RSF1: variants seen among roughly 807,000 people sequenced by gnomAD.
RSF1 encodes the protein HBV pX-associated protein 8.
Under a neutral mutation model 145.2 loss-of-function variants are expected in RSF1, and 13 were observed. The ratio of observed to expected loss-of-function variants is 0.09; its 90% confidence interval spans 0.06 to 0.14. The LOEUF (loss-of-function observed/expected upper bound fraction) is 0.14, where lower values mean the gene tolerates loss of function less well. Ranked by LOEUF, RSF1 falls within the 10% of genes least tolerant of loss-of-function variation. The pLI, the probability that RSF1 is intolerant of heterozygous loss-of-function variation, is 1.00. For synonymous variants in RSF1, 577 were observed against 592.6 expected, an observed-to-expected ratio of 0.97 and a Z score of 0.38; for missense variants, 1,517 against 1,718.2, an observed-to-expected ratio of 0.88 and a Z score of 2.07.
At chr11:77,690,864 TACAA>T (rs1189026346) in intron 9 of RSF1, 5 of 377,580 alleles carry the variant, frequency 1.3e-5, no homozygotes, top group Non-Finnish European at 2.4e-5. Context: ...ACAGACAATA[TACAA>T]ACAAATGAGC....
intron 5 of RSF1, among the ~76,000 whole-genome samples, chr11:77,712,989 C>A (rs766655790): frequency 6.6e-5 from 10 of 152,102 alleles, no homozygotes; most frequent in Non-Finnish European, 1.2e-4. Flanking sequence ...CCTGCCTGTT[C>A]TTGAGATCAA....
At chr11:77,741,415 C>A (rs972234508) in intron 3 of RSF1, among the ~76,000 whole-genome samples, 2 of 152,030 alleles carry the variant, frequency 1.3e-5, no homozygotes, top group Non-Finnish European at 2.9e-5. Flanking sequence ...TGGTGGTGCA[C>A]GCCTACAGTC....
At position 77,714,337 on chromosome 11, in the gene RSF1, G is replaced by T. The variant is rs989235991; in HGVS notation, c.733+11208C>A. On this transcript the variant is annotated intron_variant, in intron 5 of 15. Coordinates refer to ENST00000308488, the MANE Select transcript of RSF1 (RefSeq NM_016578.4). ...TTACCATCAATATGTTCCTTTTATGGGGGAATTGGTAGAGACTCAAAATCC... is the reference window on the plus strand; with the variant it reads ...TTACCATCAATATGTTCCTTTTATGTGGGAATTGGTAGAGACTCAAAATCC... Among the ~76,000 whole-genome samples the T allele has an allele frequency of 3.9e-5, 6 of 152,096 alleles. No homozygotes were observed. In the East Asian group the frequency reaches 1.2e-3, roughly 29 times the overall value.
chr11:77,832,947 A>G, the RSF1 span, among the ~76,000 whole-genome samples: 1 of 83,698 alleles, frequency 1.2e-5, no homozygotes. Flanking sequence ...TATTGTATAT[A>G]TATATGTGTG....
intron 1 of RSF1, among the ~76,000 whole-genome samples, chr11:77,789,720 C>T (rs994616260): frequency 6.6e-6 from 1 of 152,196 alleles, no homozygotes; most frequent in African/African-American, 2.4e-5. Flanking sequence ...ATGCCCCGCA[C>T]CTGCCCACTA....
At chr11:77,747,916 A>G (rs1180478548) in intron 2 of RSF1, among the ~76,000 whole-genome samples, 4 of 152,206 alleles carry the variant, frequency 2.6e-5, no homozygotes, top group Non-Finnish European at 4.4e-5. Context: ...AGTAGGCAAA[A>G]AATGATACAA....
At chr11:77,815,084 G>A (rs1948769422) in intron 1 of RSF1, among the ~76,000 whole-genome samples, 1 of 152,238 alleles carries the variant, frequency 6.6e-6, no homozygotes, top group Non-Finnish European at 1.5e-5. Flanking sequence ...GGAAGTAAAG[G>A]GGAAGTGGAA....
intron 2 of RSF1, chr11:77,762,329 C>T (rs1450713159): frequency 6.6e-6 from 1 of 152,008 alleles, no homozygotes; most frequent in African/African-American, 2.4e-5. Flanking sequence ...TTCCTAGACA[C>T]CTCTCTCTCT....
chr11:77,712,157 T>C (rs1043682123), intron 5 of RSF1, among the ~76,000 whole-genome samples: 1 of 152,224 alleles, frequency 6.6e-6, no homozygotes, highest in African/African-American at 2.4e-5. Flanking sequence ...ATAATCCCTA[T>C]GTGTCTAGGG....
At chr11:77,786,101 GA>G (rs1176175234) in intron 1 of RSF1, among the ~76,000 whole-genome samples, 1 of 152,028 alleles carries the variant, frequency 6.6e-6, no homozygotes, top group Admixed American at 6.6e-5. Context: ...TCTCCATTAT[GA>G]AGAAACTCTG....
intron 1 of RSF1, among the ~76,000 whole-genome samples, chr11:77,797,455 C>T (rs1035871555): frequency 1.3e-5 from 2 of 152,128 alleles, no homozygotes; most frequent in African/African-American, 4.8e-5. Flanking sequence ...AACTGGCTAG[C>T]CATATGCAGA....
At chr11:77,715,489 C>T (rs1338995001) in intron 5 of RSF1, among the ~76,000 whole-genome samples, 1 of 151,852 alleles carries the variant, frequency 6.6e-6, no homozygotes, top group Admixed American at 6.6e-5. Flanking sequence ...ACTCTGTCGC[C>T]CAGGCTGGAG....
At chr11:77,728,152 C>T (rs2135890695) in intron 4 of RSF1, among the ~76,000 whole-genome samples, 1 of 152,300 alleles carries the variant, frequency 6.6e-6, no homozygotes, top group South Asian at 2.1e-4. Context: ...ATATATCCCT[C>T]CAAAATACCA....
At position 77,701,117 on chromosome 11, in the gene RSF1, G is replaced by C; in HGVS notation, c.2112C>G (p.Ser704Arg). The change falls in exon 6 of 16, where the codon AGC (serine) becomes AGG (arginine). Residue 704 changes from serine (S) to arginine (R), a missense_variant. By Grantham distance (110) the Ser-to-Arg change is moderately radical. Transcript: ENST00000308488. ...CAGGAACCAACTTATATTTGAATTT[G>C]CTTTTTTGCATAGAACCCTTTGTCT... Reference protein sequence around the residue: ...PSETKGSMQKSKFKYKLVPEE... With the variant: ...PSETKGSMQKRKFKYKLVPEE... 6.2e-7 allele frequency: 1 copy of C among 1,613,444 alleles called. No homozygotes were observed. Among genetic ancestry groups the C allele is most frequent in the South Asian group, 1.1e-5 (1 of 90,964 alleles).
In RSF1 at chr11:77,747,093, C is replaced by T. The variant is rs775114043; in HGVS notation, c.315G>A (p.Glu105=). The change falls in exon 3 of 16, where the codon GAG becomes GAA. Residue 105 remains glutamate (E), a synonymous_variant. Coordinates refer to ENST00000308488, the MANE Select transcript of RSF1 (RefSeq NM_016578.4). The part of the protein sequence containing the change: ...CQEFNSTWAW[E]MEKKGYLEMS... Reference sequence around the variant, plus strand: ...TTTCAAGATAGCCCTTCTTCTCCATCTCCCATGCCCAGGTACTGTTAAACT... The same window carrying T: ...TTTCAAGATAGCCCTTCTTCTCCATTTCCCATGCCCAGGTACTGTTAAACT... 6 of 1,611,768 alleles carry T rather than the reference C, an allele frequency of 3.7e-6. No individual in the cohort carries two copies. The African/African-American group carries it at 6.7e-5, about 18-fold the overall frequency.
chr11:77,752,382 G>A (rs1451895388), intron 2 of RSF1, among the ~76,000 whole-genome samples: 2 of 152,136 alleles, frequency 1.3e-5, no homozygotes, highest in Non-Finnish European at 2.9e-5. Flanking sequence ...AAATCCGCCT[G>A]CATAATAAAA....
intron 4 of RSF1, among the ~76,000 whole-genome samples, chr11:77,740,138 G>A (rs755789608): frequency 6.6e-6 from 1 of 152,258 alleles, no homozygotes; most frequent in Non-Finnish European, 1.5e-5. Flanking sequence ...CACTTTGGGA[G>A]GCCGAGGCGG....
the RSF1 span, among the ~76,000 whole-genome samples, chr11:77,850,451 C>T: frequency 3.3e-5 from 5 of 152,186 alleles, no homozygotes; most frequent in African/African-American, 1.2e-4. Context: ...AAGGCAATAA[C>T]TATCTTATTA....
intron 5 of RSF1, among the ~76,000 whole-genome samples, chr11:77,704,450 T>A (rs927001883): frequency 2.6e-5 from 4 of 152,232 alleles, no homozygotes; most frequent in South Asian, 4.1e-4. Flanking sequence ...TGATCCAACG[T>A]AAAATTAAGT....
Sources: gnomAD v4.1 joint callset for allele counts (sites outside exome capture counted in the v4.1 genomes callset) on GRCh38, gnomAD v4.1.1 for gene constraint, MANE v1.5 for transcripts, NCBI Gene and HGNC (gene_info 2026-07-23, HGNC 2026-07-21) for gene names.